Variants in GABRB3 observed in about 807,000 individuals in gnomAD.
The protein encoded by GABRB3 is gamma-aminobutyric acid type A receptor subunit beta3.
GABRB3 carries 14 observed loss-of-function variants against 52.1 expected under a neutral mutation model. The ratio of observed to expected loss-of-function variants is 0.27; its 90% CI spans 0.18 to 0.42. The LOEUF (loss-of-function observed/expected upper bound fraction) is 0.42. Ranked by LOEUF, GABRB3 falls within the 10% of genes least tolerant of loss-of-function variation. The probability of loss-of-function intolerance (pLI) is 1.00; values close to 1 mark genes in which losing one functional copy is unlikely to be tolerated. For synonymous variants in GABRB3, 260 were observed against 232.3 expected, an observed-to-expected ratio of 1.12 and a Z score of -1.08; for missense variants, 307 against 609.1, an observed-to-expected ratio of 0.50 and a Z score of 5.22.
intron 4 of GABRB3, among the ~76,000 whole-genome samples, chr15:26,610,241 A>G (rs1158569037): frequency 2.0e-5 from 3 of 152,208 alleles, no homozygotes; most frequent in South Asian, 2.1e-4. Context: ...AACTGCATAT[A>G]AACCCCTAAT....
chr15:26,716,507 G>T, intron 3 of GABRB3: 1 of 736,836 alleles, frequency 1.4e-6, no homozygotes, highest in Non-Finnish European at 1.7e-6. Flanking sequence ...ATGCTCAGGG[G>T]GTTTGAGCAA....
intron 3 of GABRB3, among the ~76,000 whole-genome samples, chr15:26,623,607 T>C (rs927852449): frequency 1.3e-5 from 2 of 152,208 alleles, no homozygotes; most frequent in African/African-American, 2.4e-5. Flanking sequence ...CATAAATTCA[T>C]AGAGCATAGA....
Position 26,773,059 on chromosome 15 carries a change from GC to G in GABRB3, c.-98del. The G allele has an allele frequency of 3.8e-6, 4 of 1,057,448 alleles. No homozygotes were observed. The highest frequency in any genetic ancestry group is 3.4e-6 in the Non-Finnish European group (3 of 874,506). The allele number at this position is 1,057,448 out of a possible 1,614,324, so 65.5% of individuals were successfully genotyped here. A position where few individuals can be genotyped will look rare whatever the true frequency, so the allele number is the denominator to read the frequency against. ...TGCTGCTGCCGCCGCCGCCGCCGCC[GC>G]CGCGCTGGCCCGGAGCGGAGGAGGG... On this transcript the variant is annotated 5_prime_UTR_variant, in exon 1 of 9. Transcript: ENST00000311550.
At chr15:26,637,800 T>C (rs947603041) in intron 3 of GABRB3, among the ~76,000 whole-genome samples, 16 of 152,288 alleles carry the variant, frequency 1.1e-4, no homozygotes, top group Non-Finnish European at 1.9e-4. Context: ...TTGGCGACCA[T>C]TGTCCTAGAA....
intron 8 of GABRB3, chr15:26,549,942 A>T (rs1050676871): frequency 6.6e-6 from 1 of 152,216 alleles, no homozygotes; most frequent in Non-Finnish European, 1.5e-5. Flanking sequence ...GTGCCATCGT[A>T]TTGGTTTCCA....
intron 3 of GABRB3, among the ~76,000 whole-genome samples, chr15:26,687,541 C>A (rs1317489925): frequency 6.6e-6 from 1 of 152,052 alleles, no homozygotes; most frequent in Non-Finnish European, 1.5e-5. Context: ...TCTCTCTTTG[C>A]TTCATTCCTT....
chr15:26,606,576 C>A (rs1040777048), intron 4 of GABRB3, among the ~76,000 whole-genome samples: 1 of 152,048 alleles, frequency 6.6e-6, no homozygotes, highest in African/African-American at 2.4e-5. Context: ...GAAACCTTTT[C>A]TCTAAGATAT....
intron 4 of GABRB3, chr15:26,613,732 A>G (rs1184971021): frequency 6.6e-6 from 1 of 152,214 alleles, no homozygotes; most frequent in Non-Finnish European, 1.5e-5. Context: ...TAGTGAGTCA[A>G]TAAGTAAGAA....
rs1237258075 is a variant in GABRB3 at position 26,545,185 on chromosome 15, T to G, written c.*2608A>C. 7.2e-6 allele frequency: 1 copy of G among 139,238 alleles called. No individual in the cohort carries two copies. The highest frequency in any genetic ancestry group is 1.5e-5 in the Non-Finnish European group (1 of 64,804). The allele number at this position is 139,238 out of a possible 1,614,324, so 8.6% of individuals were successfully genotyped here. A position where few individuals can be genotyped will look rare whatever the true frequency, so the allele number is the denominator to read the frequency against. ...TTTTTTTTTGTTTTTACAGAATATA[T>G]GTATGTATTTGTGTGTGTGTGTGTG... On this transcript the variant is annotated 3_prime_UTR_variant, in exon 9 of 9. Transcript: ENST00000311550.
chr15:26,765,868 T>C (rs1176128558), intron 3 of GABRB3, among the ~76,000 whole-genome samples: 2 of 152,230 alleles, frequency 1.3e-5, no homozygotes, highest in African/African-American at 2.4e-5. Flanking sequence ...GAGCCCTTAA[T>C]GGAGCATCTT....
intron 3 of GABRB3, among the ~76,000 whole-genome samples, chr15:26,749,180 A>C (rs1300877293): frequency 6.6e-6 from 1 of 151,684 alleles, no homozygotes; most frequent in African/African-American, 2.4e-5. Context: ...CACCATCAGC[A>C]CTGGTTTAAC....
chr15:26,685,926 T>A (rs535861413), intron 3 of GABRB3, among the ~76,000 whole-genome samples: 2 of 151,874 alleles, frequency 1.3e-5, no homozygotes, highest in Non-Finnish European at 2.9e-5. Context: ...CACTTCAGCT[T>A]CCCACGTAGC....
At chr15:26,758,997 G>C (rs1253896169) in intron 3 of GABRB3, among the ~76,000 whole-genome samples, 3 of 152,136 alleles carry the variant, frequency 2.0e-5, no homozygotes, top group African/African-American at 7.2e-5. Context: ...CTACTTCCAA[G>C]TTTGGTACAC....
intron 8 of GABRB3, among the ~76,000 whole-genome samples, chr15:26,549,122 T>C (rs183336635): frequency 2.9e-3 from 445 of 152,356 alleles, no homozygotes; most frequent in Non-Finnish European, 4.9e-3. Flanking sequence ...AGATTAAGTG[T>C]CTGTGGCTTC....
intron 4 of GABRB3, among the ~76,000 whole-genome samples, chr15:26,598,099 G>A (rs544543909): frequency 6.6e-6 from 1 of 152,190 alleles, no homozygotes; most frequent in East Asian, 1.9e-4. Context: ...CAAAACATTG[G>A]CAGAAAACCA....
chr15:26,676,800 A>C (rs1888082234), intron 3 of GABRB3, among the ~76,000 whole-genome samples: 1 of 152,224 alleles, frequency 6.6e-6, no homozygotes, highest in Non-Finnish European at 1.5e-5. Flanking sequence ...TAATCAAATA[A>C]TACTTTCAAG....
chr15:26,696,236 AT>A (rs894103337), intron 3 of GABRB3, among the ~76,000 whole-genome samples: 99 of 151,446 alleles, frequency 6.5e-4, no homozygotes, highest in African/African-American at 2.1e-3. Context: ...CACATACTTT[AT>A]TTTTTTTTAT....
intron 3 of GABRB3, among the ~76,000 whole-genome samples, chr15:26,700,691 G>GA (rs201717939): frequency 6.6e-6 from 1 of 151,942 alleles, no homozygotes; most frequent in East Asian, 1.9e-4. Flanking sequence ...AACATACTAA[G>GA]AAAAAAAATT....
At chr15:26,723,880 T>C (rs1191533591) in intron 3 of GABRB3, among the ~76,000 whole-genome samples, 1 of 152,158 alleles carries the variant, frequency 6.6e-6, no homozygotes, top group Non-Finnish European at 1.5e-5. Context: ...AAACCAATTG[T>C]ACCAGTGTTC....
Sources: allele counts gnomAD v4.1 joint callset (sites outside exome capture counted in the v4.1 genomes callset), GRCh38; gene constraint gnomAD v4.1.1; transcripts MANE v1.5; gene names NCBI Gene and HGNC (gene_info 2026-07-23, HGNC 2026-07-21).